Variants in AGO3 observed in about 807,000 individuals in gnomAD.
AGO3 encodes the protein argonaute RISC catalytic component 3, also known as protein argonaute-3.
In AGO3, 16 loss-of-function variants were observed where a neutral mutation model predicts 105.5. The observed-to-expected ratio is 0.15, with a 90% CI of 0.10 to 0.23. The LOEUF is 0.23. Among genes scored for constraint, AGO3 ranks in the 10% least tolerant of loss-of-function variants. AGO3 has a pLI of 1.00. For missense variants in AGO3, 534 were observed against 1,088.0 expected (o/e 0.49, Z 7.16); for synonymous variants, 340 against 367.3 (o/e 0.93, Z 0.85).
chr1:35,988,687 C>T (rs1018666512), intron 5 of AGO3, among the ~76,000 whole-genome samples: 5 of 151,912 alleles, frequency 3.3e-5, no homozygotes, highest in South Asian at 2.1e-4. Flanking sequence ...TGTCGATGGT[C>T]GCTTAGGTTG....
intron 13 of AGO3, among the ~76,000 whole-genome samples, chr1:36,035,884 T>G (rs1185871917): frequency 2.0e-5 from 3 of 151,974 alleles, no homozygotes; most frequent in Non-Finnish European, 4.4e-5. Context: ...ATACAAAAAA[T>G]TAGCCGGGTG....
chr1:36,029,468 C>G (rs1447949743), intron 12 of AGO3, among the ~76,000 whole-genome samples: 1 of 148,074 alleles, frequency 6.8e-6, no homozygotes, highest in Non-Finnish European at 1.5e-5. Flanking sequence ...GATCTCGGCT[C>G]ACTGCAAGCT....
intron 5 of AGO3, among the ~76,000 whole-genome samples, chr1:35,990,569 T>C (rs1317287160): frequency 2.0e-5 from 3 of 152,196 alleles, no homozygotes; most frequent in Non-Finnish European, 4.4e-5. Flanking sequence ...CCGTAAAACA[T>C]TCACTATCCC....
chr1:35,998,655 G>A (rs975412149), intron 5 of AGO3, among the ~76,000 whole-genome samples: 10 of 152,104 alleles, frequency 6.6e-5, no homozygotes, highest in African/African-American at 2.4e-4. Context: ...TCTATGAAAC[G>A]TTTGCTCATG....
intron 1 of AGO3, among the ~76,000 whole-genome samples, chr1:35,938,992 TGG>T (rs1257998483): frequency 6.6e-6 from 1 of 152,178 alleles, no homozygotes; most frequent in Non-Finnish European, 1.5e-5. Flanking sequence ...AAATTTAGTT[TGG>T]TTAGTTATTA....
intron 1 of AGO3, among the ~76,000 whole-genome samples, chr1:35,939,615 G>A (rs190103953): frequency 7.9e-4 from 120 of 152,206 alleles, no homozygotes; most frequent in African/African-American, 2.9e-3. Context: ...CCCTAAAATA[G>A]TCTATCAGAA....
intron 2 of AGO3, among the ~76,000 whole-genome samples, chr1:35,955,469 T>G (rs2148759111): frequency 6.6e-6 from 1 of 152,312 alleles, no homozygotes; most frequent in South Asian, 2.1e-4. Context: ...AAAATACATT[T>G]AAATAACTTA....
chr1:35,994,182 C>T (rs1015836140), intron 5 of AGO3, among the ~76,000 whole-genome samples: 40 of 150,542 alleles, frequency 2.7e-4, no homozygotes, highest in African/African-American at 8.6e-4. Context: ...CTCCTGGGCT[C>T]AAGCAATTCT....
intron 4 of AGO3, 123 bp from the exon 5 acceptor site, chr1:35,973,247 TGTTTA>T: frequency 9.7e-7 from 1 of 1,031,086 alleles, no homozygotes; most frequent in Non-Finnish European, 1.3e-6. Flanking sequence ...ATTTGGAACA[TGTTTA>T]GTTTCATATA....
At position 36,058,323 on chromosome 1, in the gene AGO3, T is replaced by C. The variant is rs1642982822; in HGVS notation, c.*2578T>C. 6.6e-6 allele frequency: 1 copy of C among 152,214 alleles called. No individual in the cohort carries two copies. The highest frequency in any genetic ancestry group is 6.5e-5 in the Admixed American group (1 of 15,278). 9.4% of individuals were successfully genotyped at this position (152,214 alleles called of 1,614,324 possible). ...GGGAAATTGTTTTACAAAACTTTTA[T>C]TGATTACACTTTAAGGTATTAAAAA... is the stretch of plus-strand genomic sequence containing the variant. On this transcript the variant is annotated 3_prime_UTR_variant, in exon 19 of 19. Coordinates refer to ENST00000373191, the MANE Select transcript of AGO3 (RefSeq NM_024852.4).
chr1:36,029,468 C>T (rs1447949743), intron 12 of AGO3, among the ~76,000 whole-genome samples: 1 of 148,074 alleles, frequency 6.8e-6, no homozygotes, highest in Admixed American at 6.8e-5. Flanking sequence ...GATCTCGGCT[C>T]ACTGCAAGCT....
At chr1:35,995,055 G>A (rs1648151838) in intron 5 of AGO3, among the ~76,000 whole-genome samples, 1 of 151,770 alleles carries the variant, frequency 6.6e-6, no homozygotes, top group Admixed American at 6.6e-5. Context: ...AAAAAAATTA[G>A]CCGGGCATGG....
chr1:35,959,504 C>T (rs556576892), intron 2 of AGO3, among the ~76,000 whole-genome samples: 10 of 152,252 alleles, frequency 6.6e-5, no homozygotes, highest in African/African-American at 2.4e-4. Flanking sequence ...TCTGTGTTTA[C>T]TCAGATTTTA....
At chr1:35,969,951 T>A (rs1172655080) in intron 3 of AGO3, among the ~76,000 whole-genome samples, 1 of 152,188 alleles carries the variant, frequency 6.6e-6, no homozygotes, top group Non-Finnish European at 1.5e-5. Flanking sequence ...GGCAGCTTCA[T>A]TATAATCTAA....
rs1257962836 is a variant in AGO3, at chr1:36,008,801, C to T, written c.881+24C>T. On this transcript the variant is annotated intron_variant, in intron 7 of 18. Transcript: ENST00000373191. The surrounding 1 kb of genome is among the most constrained non-coding windows in gnomAD (Gnocchi z 5.1). ...ACGTAAGAAAAGTTTGTCAGAGCAG[C>T]GATGGTGTGAGGCAGCTTGCTCTAG... The T allele has an allele frequency of 9.9e-6, 16 of 1,613,666 alleles. No individual in the cohort carries two copies. The highest frequency in any genetic ancestry group is 1.4e-5 in the Non-Finnish European group (16 of 1,179,832).
chr1:36,031,381 C>G (rs1641766771), intron 12 of AGO3, among the ~76,000 whole-genome samples: 1 of 152,216 alleles, frequency 6.6e-6, no homozygotes, highest in East Asian at 1.9e-4. Context: ...TATCATTTTC[C>G]TTCTCTCTGG....
intron 16 of AGO3, among the ~76,000 whole-genome samples, chr1:36,041,327 C>T (rs1245490263): frequency 1.3e-5 from 2 of 149,674 alleles, no homozygotes; most frequent in African/African-American, 4.9e-5. Flanking sequence ...CTGCAAGCTC[C>T]GCCTCCCAGG....
At chr1:35,990,069 A>C (rs1281979767) in intron 5 of AGO3, among the ~76,000 whole-genome samples, 2 of 152,200 alleles carry the variant, frequency 1.3e-5, no homozygotes. Flanking sequence ...GTTTAGAGAC[A>C]GAAAGTCACA....
In AGO3 at chr1:36,009,522, C is replaced by T. The variant is rs1640492427; in HGVS notation, c.1077C>T (p.Asp359=). ...AACGATGTATCAAGAAGCTAACAGA[C>T]AATCAGACTTCCACTATGATCAAGG... ...AGQRCIKKLT[D]NQTSTMIKAT... Residue 359 remains aspartate, a synonymous_variant, in exon 9 of 19, where the codon GAC becomes GAT. Transcript: ENST00000373191. 3 of 1,613,816 alleles carry T rather than the reference C, an allele frequency of 1.9e-6. No homozygotes were observed. Among genetic ancestry groups the T allele is most frequent in the African/African-American group, 2.7e-5 (2 of 74,994 alleles).
Sources: gnomAD v4.1 joint callset for allele counts (sites outside exome capture counted in the v4.1 genomes callset) on GRCh38, gnomAD v4.1.1 for gene constraint, Gnocchi (gnomAD v3.1) non-coding constraint, MANE v1.5 for transcripts, NCBI Gene and HGNC (gene_info 2026-07-23, HGNC 2026-07-21) for gene names.